The following TENM1 variants were observed in gnomAD, a reference collection of about 807,000 sequenced individuals.
The protein encoded by TENM1 is teneurin-1.
A neutral mutation model predicts 174.8 loss-of-function variants in TENM1; 35 were observed. That is an observed-to-expected ratio of 0.20 (90% CI 0.15 to 0.27). The LOEUF is 0.27. TENM1 is among the 10% of genes least tolerant of loss of function. The pLI is 1.00. For missense variants in TENM1, 1,633 were observed against 2,130.1 expected, an observed-to-expected ratio of 0.77 and a Z score of 4.59; for synonymous variants, 781 against 798.7, an observed-to-expected ratio of 0.98 and a Z score of 0.37.
At chrX:125,105,039 T>C in the TENM1 span, among the ~76,000 whole-genome samples, 1 of 112,310 alleles carries the variant, frequency 8.9e-6, no homozygotes. Context: ...GGGGTCATTT[T>C]CTATGGTCCT....
chrX:125,075,977 T>C, the TENM1 span, among the ~76,000 whole-genome samples: 1 of 111,740 alleles, frequency 8.9e-6, no homozygotes, highest in Non-Finnish European at 1.9e-5. Flanking sequence ...CATAAGCTAC[T>C]GAAGAGTAAG....
the TENM1 span, among the ~76,000 whole-genome samples, chrX:125,183,643 C>T: frequency 9.0e-6 from 1 of 111,361 alleles, no homozygotes; most frequent in Non-Finnish European, 1.9e-5. Flanking sequence ...CAAAGTGAAG[C>T]ATTTTTATCA....
At chrX:125,097,440 T>C in the TENM1 span, among the ~76,000 whole-genome samples, 64 of 111,813 alleles carry the variant, frequency 5.7e-4, no homozygotes, top group Admixed American at 5.8e-3. Context: ...AGTATGTATG[T>C]ACATGCAGAA....
chrX:124,644,137 A>G (rs961402065), intron 10 of TENM1, among the ~76,000 whole-genome samples: 1 of 101,264 alleles, frequency 9.9e-6, no homozygotes, highest in African/African-American at 3.6e-5. Flanking sequence ...TGCCATATAT[A>G]TATATAAATT....
intron 11 of TENM1, among the ~76,000 whole-genome samples, chrX:124,611,810 C>T (rs2050283480): frequency 9.0e-6 from 1 of 111,459 alleles, no homozygotes; most frequent in South Asian, 3.8e-4. Flanking sequence ...CATAATGCTA[C>T]CCATAACGAA....
chrX:124,859,076 T>C (rs1223146435), intron 3 of TENM1, among the ~76,000 whole-genome samples: 1 of 111,831 alleles, frequency 8.9e-6, no homozygotes, highest in Non-Finnish European at 1.9e-5. Flanking sequence ...AATATGTTAA[T>C]CATTTCCAAT....
intron 1 of TENM1, among the ~76,000 whole-genome samples, chrX:124,954,203 G>A (rs2058536254): frequency 9.0e-6 from 1 of 111,622 alleles, no homozygotes; most frequent in Admixed American, 9.5e-5. Context: ...CTACCATTTG[G>A]TAATAAATTG....
intron 11 of TENM1, among the ~76,000 whole-genome samples, chrX:124,625,745 T>C (rs2050621854): frequency 9.1e-6 from 1 of 110,448 alleles, no homozygotes; most frequent in Admixed American, 9.7e-5. Flanking sequence ...TGCACACTTT[T>C]AAACAAGCAG....
At chrX:125,161,843 C>G in the TENM1 span, among the ~76,000 whole-genome samples, 1 of 111,952 alleles carries the variant, frequency 8.9e-6, no homozygotes, top group Non-Finnish European at 1.9e-5. Context: ...GTTCCAGACC[C>G]AGACCCAGAC....
the TENM1 span, among the ~76,000 whole-genome samples, chrX:125,128,569 T>C: frequency 9.0e-6 from 1 of 111,533 alleles, no homozygotes; most frequent in African/African-American, 3.3e-5. Context: ...CTGCTAAGCA[T>C]GGCCCATGAA....
chrX:124,380,047 T>C (rs1425798198), exon 32 of TENM1: 2 of 112,982 alleles, frequency 1.8e-5, no homozygotes, highest in African/African-American at 6.5e-5. Flanking sequence ...TGAAGACATT[T>C]TACACCTGTT....
At chrX:124,736,120 T>C (rs750242178) in intron 4 of TENM1, among the ~76,000 whole-genome samples, 29 of 111,887 alleles carry the variant, frequency 2.6e-4, no homozygotes, top group Non-Finnish European at 4.9e-4. Context: ...TAGAACTAAA[T>C]AAGGCACACA....
At chrX:125,104,738 CTAGAAAGAAAAAAAAA>C in the TENM1 span, among the ~76,000 whole-genome samples, 1 of 109,497 alleles carries the variant, frequency 9.1e-6, no homozygotes, top group African/African-American at 3.3e-5. Context: ...GATGAAACAA[CTAGAAAGAAAAAAAAA>C]TAGAAAGAAA....
chrX:125,070,485 C>T, the TENM1 span, among the ~76,000 whole-genome samples: 1 of 111,067 alleles, frequency 9.0e-6, no homozygotes, highest in East Asian at 2.9e-4. Flanking sequence ...CTGTTTACTC[C>T]AACAGTAGTT....
chrX:124,572,557 T>C (rs2049078846), intron 11 of TENM1, among the ~76,000 whole-genome samples: 1 of 111,106 alleles, frequency 9.0e-6, no homozygotes, highest in Non-Finnish European at 1.9e-5. Flanking sequence ...AGCTTCTAAC[T>C]CAATGTTGTA....
At chrX:124,835,859 A>G (rs1174525809) in intron 3 of TENM1, among the ~76,000 whole-genome samples, 4 of 112,277 alleles carry the variant, frequency 3.6e-5, no homozygotes, top group Non-Finnish European at 1.9e-5. Context: ...TATTCGTTAA[A>G]AGTAGCTTCA....
intron 11 of TENM1, among the ~76,000 whole-genome samples, chrX:124,576,351 T>G (rs1377835337): frequency 2.7e-5 from 3 of 112,300 alleles, no homozygotes; most frequent in Non-Finnish European, 5.6e-5. Context: ...TGAGCCACTG[T>G]GCCCAGCCCC....
chrX:124,895,304 G>T (rs1484933841), intron 2 of TENM1, among the ~76,000 whole-genome samples: 1 of 111,954 alleles, frequency 8.9e-6, no homozygotes, highest in Non-Finnish European at 1.9e-5. Context: ...TTTATGAAAA[G>T]ATTTTGTTCT....
intron 3 of TENM1, among the ~76,000 whole-genome samples, chrX:124,826,812 T>C (rs1048704413): frequency 2.7e-5 from 3 of 111,943 alleles, no homozygotes; most frequent in Admixed American, 9.5e-5. Flanking sequence ...CATTTAAAAA[T>C]GACTTGACAT....
Sources: gnomAD v4.1 joint callset for allele counts (sites outside exome capture counted in the v4.1 genomes callset) on GRCh38, gnomAD v4.1.1 for gene constraint, MANE v1.5 for transcripts, NCBI Gene and HGNC (gene_info 2026-07-23, HGNC 2026-07-21) for gene names.